Variants in CLEC3B observed in about 807,000 individuals in gnomAD.
CLEC3B encodes the protein C-type lectin domain family 3 member B, also known as tetranectin.
In CLEC3B, 13 loss-of-function variants were observed where a neutral mutation model predicts 15.4. The ratio of observed to expected loss-of-function variants is 0.84; its 90% CI spans 0.55 to 1.34. The LOEUF is 1.34. Among genes scored for constraint, CLEC3B ranks in the 40% most tolerant of loss-of-function variants. CLEC3B has a pLI of 0.00. For synonymous variants in CLEC3B, 112 were observed against 114.7 expected (o/e 0.98, Z 0.15); for missense variants, 242 against 268.6 (o/e 0.90, Z 0.69).
chr3:45,034,341 T>A (rs749676454), intron 2 of CLEC3B: 1 of 152,208 alleles, frequency 6.6e-6, no homozygotes, highest in Non-Finnish European at 1.5e-5. Flanking sequence ...TCAGGCCCCA[T>A]GTTTAAAGTC....
At chr3:45,034,326 AT>A (rs1314156106) in intron 2 of CLEC3B, 2 of 152,186 alleles carry the variant, frequency 1.3e-5, no homozygotes, top group East Asian at 3.9e-4. Flanking sequence ...CACCTCTGTA[AT>A]GCTTCAGGCC....
Position 45,035,680 on chromosome 3 carries a change from G to A in CLEC3B, c.365G>A (p.Arg122His). 6.2e-7 allele frequency: 1 copy of A among 1,613,740 alleles called. No homozygotes were observed. Among genetic ancestry groups the A allele is most frequent in the East Asian group, 2.2e-5 (1 of 44,880 alleles). ...SENDALYEYL[R>H]QSVGNEAEIW... ...AACGACGCCCTGTATGAGTACCTGCGCCAGAGCGTGGGCAACGAGGCCGAG... is the reference window on the plus strand; with the variant it reads ...AACGACGCCCTGTATGAGTACCTGCACCAGAGCGTGGGCAACGAGGCCGAG... Residue 122 changes from arginine (R) to histidine (H), a missense_variant, in exon 3 of 3, where the codon CGC becomes CAC. Arg to His is a conservative substitution (Grantham distance 29). Transcript: ENST00000296130.
rs146221714 is a variant in CLEC3B, at chr3:45,032,326, T to C, written c.208+1401T>C. 9.8e-5 allele frequency among the ~76,000 whole-genome samples: 15 copies of C among 152,314 alleles called. No individual in the cohort carries two copies. In the East Asian group the frequency reaches 2.3e-3, roughly 24 times the overall value. ...CCTTCTGCACTCCCACCACAGGGCCTTTGCATGTGCTGTTTGGGCAACCTG... is the reference window on the plus strand; with the variant it reads ...CCTTCTGCACTCCCACCACAGGGCCCTTGCATGTGCTGTTTGGGCAACCTG... On this transcript the variant is annotated intron_variant, in intron 2 of 2. Coordinates refer to ENST00000296130, the MANE Select transcript of CLEC3B (RefSeq NM_003278.3).
At chr3:45,032,788 A>T (rs550848100) in intron 2 of CLEC3B, among the ~76,000 whole-genome samples, 1 of 152,352 alleles carries the variant, frequency 6.6e-6, no homozygotes, top group Admixed American at 6.5e-5. Flanking sequence ...GCTTAAACAA[A>T]AAGTAAGTCT....
At position 45,030,617 on chromosome 3, in the gene CLEC3B, C is replaced by T. The variant is rs528320667; in HGVS notation, c.110-210C>T. 2.0e-4 allele frequency among the ~76,000 whole-genome samples: 30 copies of T among 152,348 alleles called. 1 individual carries two copies. In the South Asian group the frequency reaches 6.2e-3, roughly 32 times the overall value. On this transcript the variant is annotated intron_variant, in intron 1 of 2. Coordinates refer to ENST00000296130, the MANE Select transcript of CLEC3B (RefSeq NM_003278.3). ...TCTGATCCCCAGCAACAATCCCAAA[C>T]AAATGCAGCACAGGAGCAAGTGAAG...
rs920902974 is a variant in CLEC3B at position 45,030,923 on chromosome 3, C to T, written c.206C>T (p.Thr69Met). 1.3e-5 allele frequency: 21 copies of T among 1,566,906 alleles called. No homozygotes were observed. The highest frequency in any genetic ancestry group is 4.7e-5 in the South Asian group (4 of 85,304). The change falls in exon 2 of 3, where the codon ACG (threonine) becomes ATG (methionine). Residue 69 changes from threonine (T) to methionine (M), a missense_variant and splice_region_variant. Thr to Met is a moderately conservative substitution (Grantham distance 81). Coordinates refer to ENST00000296130, the MANE Select transcript of CLEC3B (RefSeq NM_003278.3). ...CTGAAGGAGCAGCAGGCCCTGCAGA[C>T]GGGTGAGTGCAGGCAGTAGCCTCTC... ...ALLKEQQALQ[T>M]VCLKGTKVHM... is the part of the protein sequence containing the mutation.
Position 45,026,591 on chromosome 3 carries a change from A to ATACTC in CLEC3B, c.109+120_109+121insTACTC. On this transcript the variant is annotated intron_variant, in intron 1 of 2. Transcript: ENST00000296130. ...TTTGAGTCATCTAGGGAACTTGAGTAAAGTGGGCTTTGGGGCTTGGGGGAG... is the reference window on the plus strand; with the variant it reads ...TTTGAGTCATCTAGGGAACTTGAGTATACTCAAGTGGGCTTTGGGGCTTGGGGGAG... 3 of 864,058 alleles carry ATACTC rather than the reference A, an allele frequency of 3.5e-6. No individual in the cohort carries two copies. In the South Asian group the frequency reaches 4.6e-5, roughly 13 times the overall value. The allele number at this position is 864,058 out of a possible 1,614,324, so 53.5% of individuals were successfully genotyped here.
chr3:45,027,145 T>C (rs1028023223), intron 1 of CLEC3B, among the ~76,000 whole-genome samples: 4 of 152,324 alleles, frequency 2.6e-5, no homozygotes, highest in Non-Finnish European at 4.4e-5. Flanking sequence ...CAGGCTGTGT[T>C]GAGACAACAT....
Position 45,035,858 on chromosome 3 carries a change from C to A in CLEC3B, c.543C>A (p.Asn181Lys), listed in dbSNP as rs886658172. ...GCGCGGTCCTGTCAGGCGCGGCCAA[C>A]GGCAAGTGGTTCGACAAGCGCTGCC... ...ENCAVLSGAA[N>K]GKWFDKRCRD... Residue 181 changes from asparagine to lysine, a missense_variant, in exon 3 of 3, where the codon AAC becomes AAA. Physicochemically the swap from Asn to Lys is moderately conservative, Grantham distance 94. Coordinates refer to ENST00000296130, the MANE Select transcript of CLEC3B (RefSeq NM_003278.3). The A allele has an allele frequency of 4.3e-6, 7 of 1,612,324 alleles. No homozygotes were observed. Among genetic ancestry groups the A allele is most frequent in the African/African-American group, 2.7e-5 (2 of 74,930 alleles).
intron 2 of CLEC3B, among the ~76,000 whole-genome samples, chr3:45,034,067 A>G (rs1226029883): frequency 6.6e-6 from 1 of 152,134 alleles, no homozygotes; most frequent in East Asian, 1.9e-4. Flanking sequence ...AGGCTGCTCT[A>G]GGGAGGGGCA....
intron 1 of CLEC3B, chr3:45,030,076 C>T (rs757850081): frequency 2.1e-5 from 15 of 713,834 alleles, no homozygotes; most frequent in South Asian, 6.3e-5. Context: ...CAGAATGACA[C>T]GTTACCTGTG....
chr3:45,028,820 G>A (rs892550694), intron 1 of CLEC3B, among the ~76,000 whole-genome samples: 2 of 152,314 alleles, frequency 1.3e-5, no homozygotes, highest in Non-Finnish European at 2.9e-5. Flanking sequence ...GAGGGGGAGA[G>A]CAAGTGGCAG....
intron 1 of CLEC3B, among the ~76,000 whole-genome samples, chr3:45,029,862 C>T (rs1248867922): frequency 2.0e-5 from 3 of 152,232 alleles, no homozygotes; most frequent in African/African-American, 7.2e-5. Context: ...CCGCCTTCCC[C>T]TGCTGACTCT....
intron 2 of CLEC3B, among the ~76,000 whole-genome samples, chr3:45,032,034 C>A (rs894394440): frequency 4.6e-5 from 7 of 151,886 alleles, no homozygotes; most frequent in African/African-American, 1.7e-4. Flanking sequence ...CTTGTGACAG[C>A]CGAAAGGAGC....
At chr3:45,030,302 C>A in intron 1 of CLEC3B, 1 of 858,238 alleles carries the variant, frequency 1.2e-6, no homozygotes, top group Non-Finnish European at 1.4e-6. Context: ...GGGCTGTCAT[C>A]ATCCACTTCA....
At chr3:45,027,023 C>T (rs1304579453) in intron 1 of CLEC3B, among the ~76,000 whole-genome samples, 1 of 152,206 alleles carries the variant, frequency 6.6e-6, no homozygotes, top group East Asian at 1.9e-4. Context: ...CAGACTAGTC[C>T]ACCAGAAGCA....
At chr3:45,035,002 G>A (rs1697617450) in intron 2 of CLEC3B, among the ~76,000 whole-genome samples, 1 of 152,230 alleles carries the variant, frequency 6.6e-6, no homozygotes, top group Non-Finnish European at 1.5e-5. Flanking sequence ...GGGGCATGGA[G>A]GAAGGAGAAC....
intron 2 of CLEC3B, among the ~76,000 whole-genome samples, chr3:45,033,897 G>A (rs1206288650): frequency 6.6e-6 from 1 of 152,204 alleles, no homozygotes; most frequent in Non-Finnish European, 1.5e-5. Context: ...CCCTGTGCTA[G>A]GGAAGGGATG....
intron 1 of CLEC3B, among the ~76,000 whole-genome samples, chr3:45,027,534 A>C (rs1473627588): frequency 6.6e-6 from 1 of 152,262 alleles, no homozygotes. Flanking sequence ...TGCTTTGAAA[A>C]AGGGATTTAT....
Sources: allele counts gnomAD v4.1 joint callset (sites outside exome capture counted in the v4.1 genomes callset), GRCh38; gene constraint gnomAD v4.1.1; transcripts MANE v1.5; gene names NCBI Gene and HGNC (gene_info 2026-07-23, HGNC 2026-07-21).